Variants in MAMDC2 observed in about 807,000 individuals in gnomAD.
MAMDC2 encodes MAM domain containing 2.
A neutral mutation model predicts 89.8 loss-of-function variants in MAMDC2; 57 were observed. The ratio of observed to expected loss-of-function variants is 0.63; its 90% CI spans 0.51 to 0.79. The LOEUF is 0.79. Ranked by LOEUF, MAMDC2 falls within the 30% of genes least tolerant of loss-of-function variation. MAMDC2 has a pLI of 0.00. For missense variants in MAMDC2, 800 were observed against 820.6 expected (o/e 0.97, Z 0.31); for synonymous variants, 313 against 293.4 (o/e 1.07, Z -0.68).
At chr9:70,128,031 C>CATCCTTTGGGTCAACACAT (rs2030638585) in intron 6 of MAMDC2, among the ~76,000 whole-genome samples, 2 of 152,332 alleles carry the variant, frequency 1.3e-5, no homozygotes, top group East Asian at 3.9e-4. Context: ...CCTCAATACA[C>CATCCTTTGGGTCAACACAT]ATCCTTTGGG....
At chr9:70,084,678 G>A (rs146963791) in intron 2 of MAMDC2, among the ~76,000 whole-genome samples, 2 of 152,172 alleles carry the variant, frequency 1.3e-5, no homozygotes, top group African/African-American at 4.8e-5. Flanking sequence ...CAGTGAATAA[G>A]CCATTTGGAA....
chr9:70,204,106 C>T (rs1483462704), intron 11 of MAMDC2, among the ~76,000 whole-genome samples: 2 of 152,082 alleles, frequency 1.3e-5, no homozygotes, highest in African/African-American at 2.4e-5. Flanking sequence ...TGAGGAACTG[C>T]GTTCCTCTGG....
intron 2 of MAMDC2, among the ~76,000 whole-genome samples, chr9:70,071,235 C>T (rs557237239): frequency 3.9e-5 from 6 of 152,256 alleles, no homozygotes; most frequent in Middle Eastern, 3.4e-3. Context: ...AAGGAAAACT[C>T]GAGAGTAGTA....
At position 70,218,454 on chromosome 9, in the gene MAMDC2, A is replaced by C; in HGVS notation, c.1769A>C (p.Tyr590Ser). The change falls in exon 12 of 14, where the codon TAT (tyrosine) becomes TCT (serine). Residue 590 changes from tyrosine (Y) to serine (S), a missense_variant. Coordinates refer to ENST00000377182, the MANE Select transcript of MAMDC2 (RefSeq NM_153267.5). ...TGCTTGACCTTTTTCTACCACATGT[A>C]TGGAGGGGGCACTGGCCTGCTGAGT... ...KHCLTFFYHMYGGGTGLLSVY... is the reference protein window; with the variant it reads ...KHCLTFFYHMSGGGTGLLSVY... 1 of 1,614,176 alleles carries C rather than the reference A, an allele frequency of 6.2e-7. No homozygotes were observed. The highest frequency in any genetic ancestry group is 2.2e-5 in the East Asian group (1 of 44,880).
intron 11 of MAMDC2, among the ~76,000 whole-genome samples, chr9:70,175,025 C>T (rs2032454149): frequency 6.6e-6 from 1 of 152,122 alleles, no homozygotes; most frequent in Admixed American, 6.5e-5. Context: ...TGTGCCCAGC[C>T]AGGACTTTGG....
In MAMDC2 at chr9:70,129,522, T is replaced by C. The variant is rs367549831; in HGVS notation, c.901-1997T>C. Among the ~76,000 whole-genome samples, 192 of 152,250 alleles carry C rather than the reference T, an allele frequency of 1.3e-3. 6 individuals carry two copies. In the South Asian group the frequency reaches 0.038, roughly 30 times the overall value. On this transcript the variant is annotated intron_variant, in intron 6 of 13. Coordinates refer to ENST00000377182, the MANE Select transcript of MAMDC2 (RefSeq NM_153267.5). ...TAGCTAATAAGTGATGAAAATGGGA[T>C]TTGAACTCTGGTCTGTCTGCTTCCA...
chr9:70,156,089 C>T (rs538701682), intron 9 of MAMDC2, among the ~76,000 whole-genome samples: 1 of 152,084 alleles, frequency 6.6e-6, no homozygotes, highest in African/African-American at 2.4e-5. Flanking sequence ...ATATTTTTGG[C>T]ATCTTAATAG....
chr9:70,148,873 CA>C, intron 9 of MAMDC2, among the ~76,000 whole-genome samples: 1 of 149,136 alleles, frequency 6.7e-6, no homozygotes, highest in Non-Finnish European at 1.5e-5. Flanking sequence ...ACTAAAAATA[CA>C]AAAAATTAGC....
At chr9:70,149,330 G>T (rs965411614) in intron 9 of MAMDC2, among the ~76,000 whole-genome samples, 3 of 152,042 alleles carry the variant, frequency 2.0e-5, no homozygotes, top group Non-Finnish European at 2.9e-5. Flanking sequence ...AAGTTTATGA[G>T]GGTTGCTCTT....
intron 11 of MAMDC2, 170 bp downstream of exon 11, chr9:70,170,801 C>T (rs2032316290): frequency 1.7e-6 from 1 of 572,430 alleles, no homozygotes; most frequent in Non-Finnish European, 2.9e-6. Flanking sequence ...AATATCTCAT[C>T]CTTTCTGTTT....
chr9:70,138,003 G>A (rs2031069428), intron 7 of MAMDC2, among the ~76,000 whole-genome samples: 1 of 152,120 alleles, frequency 6.6e-6, no homozygotes, highest in African/African-American at 2.4e-5. Context: ...TATCCATCCT[G>A]GCGTAACATA....
chr9:70,156,378 A>T (rs1431504249), intron 9 of MAMDC2, among the ~76,000 whole-genome samples: 1 of 152,210 alleles, frequency 6.6e-6, no homozygotes, highest in Non-Finnish European at 1.5e-5. Context: ...GAGATTTATA[A>T]ATAGTTGGCT....
chr9:70,174,511 C>T (rs1324502404), intron 11 of MAMDC2, among the ~76,000 whole-genome samples: 2 of 152,150 alleles, frequency 1.3e-5, no homozygotes, highest in Non-Finnish European at 2.9e-5. Context: ...AGGTAGCTCA[C>T]CAAGAGCATA....
intron 2 of MAMDC2, among the ~76,000 whole-genome samples, chr9:70,066,536 G>T (rs1827270037): frequency 6.6e-6 from 1 of 152,126 alleles, no homozygotes; most frequent in Non-Finnish European, 1.5e-5. Context: ...GGCAGCTAGA[G>T]GTTACAGTTC....
intron 2 of MAMDC2, among the ~76,000 whole-genome samples, chr9:70,107,052 TG>T: frequency 6.6e-6 from 1 of 151,722 alleles, no homozygotes; most frequent in South Asian, 2.1e-4. Flanking sequence ...AGACACAGGG[TG>T]GTGGAAGCCA....
chr9:70,131,629 T>G lies in MAMDC2; in HGVS notation c.994+17T>G, dbSNP rs765626295. On this transcript the variant is annotated intron_variant, in intron 7 of 13. Coordinates refer to ENST00000377182, the MANE Select transcript of MAMDC2 (RefSeq NM_153267.5). ...ATCAGACAGGTGAGCATTCTCTATT[T>G]GTCATTGCATTTTGGGATGTTCCTG... The G allele has an allele frequency of 9.4e-5, 148 of 1,567,486 alleles. No individual in the cohort carries two copies. Among genetic ancestry groups the G allele is most frequent in the Non-Finnish European group, 1.2e-4 (143 of 1,146,434 alleles).
intron 11 of MAMDC2, chr9:70,217,745 A>G: frequency 1.9e-6 from 2 of 1,072,402 alleles, no homozygotes; most frequent in Admixed American, 2.0e-5. Context: ...AAACTAAAAA[A>G]AAGTGTCACA....
rs147008708 is a variant in MAMDC2, at chr9:70,221,622, ATAAC to A, written c.1911+3030_1911+3033del. On this transcript the variant is annotated intron_variant, in intron 12 of 13. Coordinates refer to ENST00000377182, the MANE Select transcript of MAMDC2 (RefSeq NM_153267.5). ...TCAATAATGTATTGTATATTTCAAA[ATAAC>A]TAAGAGAGTAAATTTCACATCTTAT... Among the ~76,000 whole-genome samples the A allele has an allele frequency of 5.3e-5, 8 of 151,918 alleles. No homozygotes were observed. In the East Asian group the frequency reaches 1.2e-3, roughly 22 times the overall value.
chr9:70,108,057 G>C (rs947682821), intron 2 of MAMDC2, among the ~76,000 whole-genome samples, 154 bp from the exon 3 acceptor site: 2 of 152,212 alleles, frequency 1.3e-5, no homozygotes, highest in Non-Finnish European at 2.9e-5. Context: ...TTTTTCAAAA[G>C]AGGCCAGTGA....
Sources: allele counts gnomAD v4.1 joint callset (sites outside exome capture counted in the v4.1 genomes callset), GRCh38; gene constraint gnomAD v4.1.1; transcripts MANE v1.5; gene names NCBI Gene and HGNC (gene_info 2026-07-23, HGNC 2026-07-21).